SMIM14: variants seen among roughly 807,000 people sequenced by gnomAD.
SMIM14 encodes small integral membrane protein 14.
A neutral mutation model predicts 12.6 loss-of-function variants in SMIM14; 5 were observed. That is an observed-to-expected ratio of 0.40 (90% CI 0.21 to 0.83). The LOEUF is 0.83. Ranked by LOEUF, SMIM14 falls within the 40% of genes least tolerant of loss-of-function variation. SMIM14 has a pLI of 0.37. For missense variants in SMIM14, 86 were observed against 119.1 expected, an observed-to-expected ratio of 0.72 and a Z score of 1.29; for synonymous variants, 30 against 40.1, an observed-to-expected ratio of 0.75 and a Z score of 0.95.
At chr4:39,567,709 C>G (rs1212568227) in intron 3 of SMIM14, among the ~76,000 whole-genome samples, 1 of 151,836 alleles carries the variant, frequency 6.6e-6, no homozygotes, top group Admixed American at 6.6e-5. Flanking sequence ...TGCACTCCAG[C>G]TTGGGCAACA....
chr4:39,590,294 TC>T (rs1714000283), intron 2 of SMIM14, among the ~76,000 whole-genome samples: 1 of 150,476 alleles, frequency 6.6e-6, no homozygotes, highest in South Asian at 2.1e-4. Flanking sequence ...TTGCCTGTAA[TC>T]CCAGCTACTC....
intron 2 of SMIM14, among the ~76,000 whole-genome samples, chr4:39,599,638 G>T (rs1157351943): frequency 6.6e-6 from 1 of 151,998 alleles, no homozygotes; most frequent in Non-Finnish European, 1.5e-5. Context: ...GAAAGAAGAG[G>T]GTAGGCTGGG....
chr4:39,638,646 G>A, intron 1 of SMIM14, 93 bp downstream of exon 1: 1 of 972,152 alleles, frequency 1.0e-6, no homozygotes, highest in Non-Finnish European at 1.2e-6. Context: ...CGCAGCCGCC[G>A]CAGTCCCCGA....
intron 2 of SMIM14, among the ~76,000 whole-genome samples, chr4:39,573,719 C>T (rs1264335456): frequency 6.6e-6 from 1 of 152,026 alleles, no homozygotes; most frequent in Non-Finnish European, 1.5e-5. Context: ...AAACCAGATT[C>T]TATTTGTAGA....
chr4:39,553,624 G>A (rs949538434), intron 4 of SMIM14, among the ~76,000 whole-genome samples: 14 of 143,502 alleles, frequency 9.8e-5, no homozygotes, highest in African/African-American at 2.8e-4. Flanking sequence ...ATGGAGTCTC[G>A]CTCTTGTTGC....
rs531092781 is a variant in SMIM14 at position 39,575,086 on chromosome 4, T to G, written c.76-2623A>C. On this transcript the variant is annotated intron_variant, in intron 2 of 4. Coordinates refer to ENST00000295958, the MANE Select transcript of SMIM14 (RefSeq NM_174921.3). ...AATAAGAACGAGAAAATAGTTTTTT[T>G]TTTTTTTTTTTTTGAGACAGAGTTT... Among the ~76,000 whole-genome samples the G allele has an allele frequency of 3.1e-3, 470 of 150,802 alleles. 5 individuals carry two copies. Among genetic ancestry groups the G allele is most frequent in the African/African-American group, 0.011 (440 of 41,272 alleles).
intron 1 of SMIM14, among the ~76,000 whole-genome samples, chr4:39,608,105 C>T (rs1348465541): frequency 6.6e-6 from 1 of 152,118 alleles, no homozygotes; most frequent in African/African-American, 2.4e-5. Context: ...TTTGAAAGTT[C>T]CTCAAAAGTT....
chr4:39,552,591 T>C (rs1334705669), intron 4 of SMIM14, among the ~76,000 whole-genome samples: 8 of 152,228 alleles, frequency 5.3e-5, no homozygotes, highest in Non-Finnish European at 1.0e-4. Context: ...CAATACTGAA[T>C]GTCTACGAGG....
At chr4:39,632,627 C>T (rs1366222841) in intron 1 of SMIM14, among the ~76,000 whole-genome samples, 1 of 151,814 alleles carries the variant, frequency 6.6e-6, no homozygotes, top group African/African-American at 2.4e-5. Flanking sequence ...AACCCCAACT[C>T]TACAAAAAAT....
At chr4:39,552,689 A>C (rs945659649) in intron 4 of SMIM14, among the ~76,000 whole-genome samples, 6 of 152,210 alleles carry the variant, frequency 3.9e-5, no homozygotes, top group African/African-American at 1.4e-4. Flanking sequence ...ATGAGGAAAG[A>C]AACTAGGTCT....
chr4:39,563,068 T>A (rs1712397202), intron 3 of SMIM14, among the ~76,000 whole-genome samples: 1 of 152,002 alleles, frequency 6.6e-6, no homozygotes, highest in Admixed American at 6.6e-5. Context: ...TTCTTTTTTT[T>A]ATTTTTTTTG....
rs181558431 is a variant in SMIM14 at position 39,631,521 on chromosome 4, T to C, written c.-36+7218A>G. Among the ~76,000 whole-genome samples, 534 of 151,998 alleles carry C rather than the reference T, an allele frequency of 3.5e-3. 3 individuals are homozygous for C. Among genetic ancestry groups the C allele is most frequent in the African/African-American group, 0.012 (516 of 41,452 alleles). ...AAAATACAAAAAAATTAGCCGGGCA[T>C]GGTGGCAGGTACCTGTAGTCCCAGC... On this transcript the variant is annotated intron_variant, in intron 1 of 4. Coordinates refer to ENST00000295958, the MANE Select transcript of SMIM14 (RefSeq NM_174921.3).
chr4:39,597,438 A>ATTT (rs869157163), intron 2 of SMIM14, among the ~76,000 whole-genome samples: 30 of 116,538 alleles, frequency 2.6e-4, no homozygotes, highest in Non-Finnish European at 3.2e-4. Flanking sequence ...CACTGGTGGT[A>ATTT]TTTTTTTTTT....
At chr4:39,605,538 G>T (rs1276410465) in intron 1 of SMIM14, among the ~76,000 whole-genome samples, 1 of 151,958 alleles carries the variant, frequency 6.6e-6, no homozygotes, top group Non-Finnish European at 1.5e-5. Context: ...CACCAAGAAA[G>T]ACATCTGAAA....
intron 2 of SMIM14, among the ~76,000 whole-genome samples, chr4:39,581,251 T>A (rs1484460408): frequency 6.6e-6 from 1 of 152,110 alleles, no homozygotes; most frequent in African/African-American, 2.4e-5. Context: ...TGCCTAAACA[T>A]TTTATATTCT....
chr4:39,585,517 G>C (rs970763151), intron 2 of SMIM14, among the ~76,000 whole-genome samples: 3 of 151,828 alleles, frequency 2.0e-5, no homozygotes, highest in Non-Finnish European at 4.4e-5. Flanking sequence ...GTCTGGTCTC[G>C]AACTCCCGAC....
At chr4:39,601,446 T>C (rs147838043) in intron 2 of SMIM14, among the ~76,000 whole-genome samples, 227 of 152,342 alleles carry the variant, frequency 1.5e-3, no homozygotes, top group African/African-American at 5.3e-3. Flanking sequence ...ATAAATCTGT[T>C]CTGTCATTAT....
chr4:39,607,587 T>A (rs1714861050), intron 1 of SMIM14, among the ~76,000 whole-genome samples: 1 of 152,182 alleles, frequency 6.6e-6, no homozygotes, highest in South Asian at 2.1e-4. Context: ...AGACCTCATC[T>A]CTGTAAAAAT....
At chr4:39,571,444 G>A (rs1485520247) in intron 3 of SMIM14, among the ~76,000 whole-genome samples, 1 of 152,050 alleles carries the variant, frequency 6.6e-6, no homozygotes, top group Non-Finnish European at 1.5e-5. Context: ...GCCATGCATG[G>A]TGGTGCATCC....
Sources: allele counts gnomAD v4.1 joint callset (sites outside exome capture counted in the v4.1 genomes callset), GRCh38; gene constraint gnomAD v4.1.1; transcripts MANE v1.5; gene names NCBI Gene and HGNC (gene_info 2026-07-23, HGNC 2026-07-21).